KLHL22: variants seen among roughly 807,000 people sequenced by gnomAD.
The protein encoded by KLHL22 is kelch like family member 22.
Under a neutral mutation model 60.7 loss-of-function variants are expected in KLHL22, and 18 were observed. The observed-to-expected ratio is 0.30, with a 90% CI of 0.20 to 0.44. The LOEUF is 0.44. Ranked by LOEUF, KLHL22 falls within the 20% of genes least tolerant of loss-of-function variation. The pLI, the probability that KLHL22 is intolerant of heterozygous loss-of-function variation, is 1.00. For synonymous variants in KLHL22, 355 were observed against 354.5 expected (o/e 1.00, Z -0.01); for missense variants, 596 against 852.3 (o/e 0.70, Z 3.74).
At position 20,471,383 on chromosome 22, in the gene KLHL22, T is replaced by C. The variant is rs748916962; in HGVS notation, c.360A>G (p.Val120=). 3 of 1,614,050 alleles carry C rather than the reference T, an allele frequency of 1.9e-6. No individual in the cohort carries two copies. Among genetic ancestry groups the C allele is most frequent in the East Asian group, 2.2e-5 (1 of 44,890 alleles). ...GGCAGGCAGCCACCAGTGTCTCTTG[T>C]ACATTGCTCAGGCTGAGCTCCAGCT... is the stretch of plus-strand genomic sequence containing the variant. ...TSELELSLSN[V]QETLVAACQL... is the part of the protein sequence containing the mutation. The change falls in exon 3 of 7, where the codon GTA becomes GTG. Residue 120 remains valine, a synonymous_variant. Coordinates refer to ENST00000328879, the MANE Select transcript of KLHL22 (RefSeq NM_032775.4).
At chr22:20,462,298 AAATTT>A (rs2053168822) in intron 4 of KLHL22, among the ~76,000 whole-genome samples, 1 of 139,778 alleles carries the variant, frequency 7.2e-6, no homozygotes, top group Non-Finnish European at 1.5e-5. Context: ...AAAAAAAATT[AAATTT>A]ACTTTAAAAT....
intron 3 of KLHL22, 49 bp downstream of exon 3, chr22:20,471,298 AGGG>A: frequency 6.3e-7 from 1 of 1,574,856 alleles, no homozygotes; most frequent in South Asian, 1.2e-5. Flanking sequence ...TGGGCATCTC[AGGG>A]AACCCCACCT....
chr22:20,484,963 A>T (rs1463978737), intron 2 of KLHL22, among the ~76,000 whole-genome samples: 1 of 152,046 alleles, frequency 6.6e-6, no homozygotes, highest in Non-Finnish European at 1.5e-5. Context: ...ATGGCATTGG[A>T]GTCTTTTCAT....
intron 1 of KLHL22, among the ~76,000 whole-genome samples, chr22:20,490,758 T>C (rs993808378): frequency 2.0e-5 from 3 of 152,198 alleles, no homozygotes; most frequent in Non-Finnish European, 4.4e-5. Context: ...ACAGGGTTTG[T>C]GCTCCTATGA....
intron 5 of KLHL22, among the ~76,000 whole-genome samples, chr22:20,452,417 A>AT (rs1282961409): frequency 6.6e-6 from 1 of 152,212 alleles, no homozygotes; most frequent in Non-Finnish European, 1.5e-5. Context: ...CAGGGTTTGT[A>AT]TATCAGAATT....
intron 2 of KLHL22, among the ~76,000 whole-genome samples, chr22:20,476,387 G>A (rs1486546683): frequency 6.6e-6 from 1 of 151,256 alleles, no homozygotes; most frequent in Non-Finnish European, 1.5e-5. Context: ...CAGGGTGTGG[G>A]TGCTTGGATT....
chr22:20,451,418 A>G (rs1238876176), intron 5 of KLHL22: 11 of 1,608,562 alleles, frequency 6.8e-6, no homozygotes, highest in Non-Finnish European at 9.4e-6. Flanking sequence ...CTAGGAGGAT[A>G]TGACGGCTTG....
At chr22:20,489,702 C>G in intron 1 of KLHL22, 1 of 471,276 alleles carries the variant, frequency 2.1e-6, no homozygotes, top group East Asian at 6.9e-5. Context: ...AGCTCTTCCT[C>G]CCTCCCATTG....
intron 5 of KLHL22, chr22:20,451,474 T>A (rs775738903): frequency 2.8e-5 from 45 of 1,599,722 alleles, no homozygotes; most frequent in Middle Eastern, 1.9e-4. Context: ...TACAGGACAC[T>A]GGACTAATGT....
intron 4 of KLHL22, among the ~76,000 whole-genome samples, chr22:20,458,445 ATTTTTTTTT>A (rs938534970): frequency 1.3e-4 from 12 of 90,454 alleles, no homozygotes; most frequent in Admixed American, 6.2e-4. Flanking sequence ...AACGCCCGCT[ATTTTTTTTT>A]TTTTTTTTTT....
intron 5 of KLHL22, among the ~76,000 whole-genome samples, chr22:20,454,566 T>C (rs2053032956): frequency 6.6e-6 from 1 of 152,186 alleles, no homozygotes; most frequent in Non-Finnish European, 1.5e-5. Flanking sequence ...TTCAGTTACA[T>C]GGCTACAGGC....
intron 2 of KLHL22, 89 bp from the exon 3 acceptor site, chr22:20,471,604 T>C (rs2053327900): frequency 7.1e-7 from 1 of 1,411,968 alleles, no homozygotes; most frequent in East Asian, 2.3e-5. Flanking sequence ...GAGAAGAACC[T>C]GGCGCTGGTG....
intron 2 of KLHL22, among the ~76,000 whole-genome samples, chr22:20,479,320 C>T (rs1309005149): frequency 6.6e-6 from 1 of 151,994 alleles, no homozygotes; most frequent in African/African-American, 2.4e-5. Context: ...AAAATAAAGA[C>T]TTAAAAGTTT....
intron 2 of KLHL22, among the ~76,000 whole-genome samples, chr22:20,473,814 G>A (rs529809819): frequency 1.3e-5 from 2 of 152,294 alleles, no homozygotes; most frequent in East Asian, 3.9e-4. Context: ...GGCGGAGGTT[G>A]CAGTGGGCCA....
At chr22:20,493,992 T>C (rs1434362241) in intron 1 of KLHL22, among the ~76,000 whole-genome samples, 1 of 150,314 alleles carries the variant, frequency 6.7e-6, no homozygotes, top group African/African-American at 2.5e-5. Flanking sequence ...GGCAGGAGAA[T>C]CGATTGAACC....
intron 2 of KLHL22, chr22:20,483,338 C>T (rs952650454): frequency 2.7e-6 from 2 of 733,572 alleles, no homozygotes; most frequent in Non-Finnish European, 2.5e-6. Context: ...GCCAGCTCAT[C>T]ATATTGAGCC....
At chr22:20,449,559 C>T (rs1199133514) in intron 5 of KLHL22, among the ~76,000 whole-genome samples, 1 of 151,964 alleles carries the variant, frequency 6.6e-6, no homozygotes, top group Non-Finnish European at 1.5e-5. Flanking sequence ...TGCCACCGCG[C>T]CCAACTAATT....
intron 6 of KLHL22, among the ~76,000 whole-genome samples, chr22:20,444,538 A>C (rs2052823436): frequency 6.6e-6 from 1 of 152,154 alleles, no homozygotes; most frequent in Non-Finnish European, 1.5e-5. Flanking sequence ...CTCGTAACAC[A>C]GCGTTCCCAG....
At chr22:20,486,041 A>G (rs1241108409) in intron 2 of KLHL22, among the ~76,000 whole-genome samples, 4 of 142,614 alleles carry the variant, frequency 2.8e-5, no homozygotes, top group Admixed American at 2.1e-4. Context: ...GGTGGCGCAC[A>G]CCTGTAGTCC....
Sources: gnomAD v4.1 joint callset for allele counts (sites outside exome capture counted in the v4.1 genomes callset) on GRCh38, gnomAD v4.1.1 for gene constraint, MANE v1.5 for transcripts, NCBI Gene and HGNC (gene_info 2026-07-23, HGNC 2026-07-21) for gene names.